The following IL1RAPL2 variants were observed in gnomAD, a reference collection of about 807,000 sequenced individuals.
IL1RAPL2 encodes interleukin 1 receptor accessory protein like 2, also known as X-linked interleukin-1 receptor accessory protein-like 2.
Under a neutral mutation model 44.1 loss-of-function variants are expected in IL1RAPL2, and 3 were observed. The observed-to-expected ratio is 0.07, with a 90% confidence interval of 0.03 to 0.18. The LOEUF (loss-of-function observed/expected upper bound fraction) is 0.18. Among genes scored for constraint, IL1RAPL2 ranks in the 10% least tolerant of loss-of-function variants. IL1RAPL2 has a pLI of 1.00. For synonymous variants in IL1RAPL2, 181 were observed against 178.8 expected (o/e 1.01, Z -0.10); for missense variants, 391 against 496.4 (o/e 0.79, Z 2.02).
chrX:105,394,413 T>G (rs185553494), intron 5 of IL1RAPL2, among the ~76,000 whole-genome samples: 2 of 111,485 alleles, frequency 1.8e-5, no homozygotes, highest in African/African-American at 6.5e-5. Context: ...GAACTGACTT[T>G]TCCTTTCTTC....
At chrX:104,719,595 T>C (rs1342679442) in intron 2 of IL1RAPL2, among the ~76,000 whole-genome samples, 1 of 111,698 alleles carries the variant, frequency 9.0e-6, no homozygotes, top group Non-Finnish European at 1.9e-5. Context: ...GGTGCATTGC[T>C]GGAGCTAGGG....
Position 104,816,034 on chromosome X carries a change from C to T in IL1RAPL2, c.82+157039C>T, listed in dbSNP as rs532267500. On this transcript the variant is annotated intron_variant, in intron 2 of 10. Coordinates refer to ENST00000372582, the MANE Select transcript of IL1RAPL2 (RefSeq NM_017416.2). ...TTTAAGTTTAAAGATAATATTTTTA[C>T]AGTCCCTGTAGCCAATTCCCTAGAA... Among the ~76,000 whole-genome samples, 162 of 111,341 alleles carry T rather than the reference C, an allele frequency of 1.5e-3. 1 individual carries two copies. The highest frequency in any genetic ancestry group is 4.9e-3 in the African/African-American group (149 of 30,635).
At chrX:104,881,005 C>A (rs1923054258) in intron 2 of IL1RAPL2, among the ~76,000 whole-genome samples, 1 of 111,643 alleles carries the variant, frequency 9.0e-6, no homozygotes, top group African/African-American at 3.3e-5. Flanking sequence ...TATAGTTTAA[C>A]AGCACTACAC....
chrX:104,641,538 T>C (rs1471175446), intron 1 of IL1RAPL2, among the ~76,000 whole-genome samples: 6 of 111,587 alleles, frequency 5.4e-5, no homozygotes, highest in African/African-American at 2.0e-4. Flanking sequence ...TGTGTATTCC[T>C]TTTATATTCT....
chrX:104,756,970 T>G (rs1267470447), intron 2 of IL1RAPL2, among the ~76,000 whole-genome samples: 1 of 109,978 alleles, frequency 9.1e-6, no homozygotes, highest in Non-Finnish European at 1.9e-5. Context: ...AAAGATGAGG[T>G]CAGAGAGGTA....
intron 2 of IL1RAPL2, among the ~76,000 whole-genome samples, chrX:104,832,859 C>T (rs1921648506): frequency 9.0e-6 from 1 of 111,266 alleles, no homozygotes; most frequent in African/African-American, 3.3e-5. Context: ...TATACATGGG[C>T]TCAACATCAG....
At chrX:104,793,487 A>AGACTTG (rs1267944075) in intron 2 of IL1RAPL2, among the ~76,000 whole-genome samples, 1 of 112,166 alleles carries the variant, frequency 8.9e-6, no homozygotes, top group Non-Finnish European at 1.9e-5. Context: ...TACTCAAAGT[A>AGACTTG]TACAAGCAAT....
intron 2 of IL1RAPL2, among the ~76,000 whole-genome samples, chrX:105,052,288 C>G (rs1391690396): frequency 1.8e-5 from 2 of 112,104 alleles, no homozygotes; most frequent in Non-Finnish European, 3.8e-5. Context: ...AGGACATTCT[C>G]AGGAGTTGCA....
In IL1RAPL2 at chrX:105,159,270, G is replaced by A. The variant is rs189005362; in HGVS notation, c.83-36205G>A. Among the ~76,000 whole-genome samples the A allele has an allele frequency of 6.2e-5, 7 of 112,068 alleles. No individual in the cohort carries two copies. The East Asian group carries it at 2.0e-3, about 32-fold the overall frequency. ...TTTTCTAGAACTTGGAGCTTCGAGG[G>A]AAGTTTTGACTATAAAGGTCAAGAG... On this transcript the variant is annotated intron_variant, in intron 2 of 10. Transcript: ENST00000372582.
intron 5 of IL1RAPL2, among the ~76,000 whole-genome samples, chrX:105,479,221 A>G (rs913160811): frequency 3.6e-5 from 4 of 111,543 alleles, no homozygotes; most frequent in African/African-American, 1.3e-4. Context: ...TTCAAGAAGA[A>G]GCTGCTTGAC....
intron 5 of IL1RAPL2, among the ~76,000 whole-genome samples, chrX:105,344,185 G>A (rs941418165): frequency 3.6e-5 from 4 of 112,181 alleles, no homozygotes; most frequent in Non-Finnish European, 7.5e-5. Context: ...GTGAGCCACC[G>A]CTCCTGGCCT....
intron 2 of IL1RAPL2, among the ~76,000 whole-genome samples, chrX:105,012,641 TCTCTCACA>T (rs2031077004): frequency 4.9e-5 from 3 of 61,652 alleles, no homozygotes; most frequent in African/African-American, 2.3e-4. Flanking sequence ...TCTCTCTCTC[TCTCTCACA>T]CACACACACA....
At chrX:105,018,722 C>T (rs1265971730) in intron 2 of IL1RAPL2, among the ~76,000 whole-genome samples, 1 of 111,239 alleles carries the variant, frequency 9.0e-6, no homozygotes, top group Non-Finnish European at 1.9e-5. Context: ...AGTGATATTA[C>T]CTTAGTCCAT....
chrX:104,914,027 C>T (rs1924332326), intron 2 of IL1RAPL2, among the ~76,000 whole-genome samples: 1 of 111,306 alleles, frequency 9.0e-6, no homozygotes, highest in Non-Finnish European at 1.9e-5. Flanking sequence ...TAAAATAGGA[C>T]ATAAGAACCA....
In IL1RAPL2 at chrX:104,821,250, T is replaced by A. The variant is rs533911194; in HGVS notation, c.82+162255T>A. 2.5e-3 allele frequency among the ~76,000 whole-genome samples: 278 copies of A among 111,758 alleles called. 1 individual carries two copies. The highest frequency in any genetic ancestry group is 9.2e-3 in the Middle Eastern group (2 of 217). ...TTTGCTTGTAAATCTGTTTTTTTTT[T>A]AATTTTTTATTATACCTTAAGTTCC... On this transcript the variant is annotated intron_variant, in intron 2 of 10. Transcript: ENST00000372582.
intron 6 of IL1RAPL2, among the ~76,000 whole-genome samples, chrX:105,670,267 T>C (rs1264008062): frequency 9.8e-6 from 1 of 101,648 alleles, no homozygotes; most frequent in African/African-American, 3.6e-5. Flanking sequence ...CTAAGTTCTT[T>C]GACTTTTCAC....
intron 5 of IL1RAPL2, among the ~76,000 whole-genome samples, chrX:105,352,860 AT>A (rs1360294575): frequency 9.3e-6 from 1 of 107,243 alleles, no homozygotes; most frequent in Non-Finnish European, 1.9e-5. Context: ...GATTGCAAAA[AT>A]TTTCTCCCAT....
At chrX:105,468,700 G>A (rs184710375) in intron 5 of IL1RAPL2, among the ~76,000 whole-genome samples, 6 of 111,662 alleles carry the variant, frequency 5.4e-5, no homozygotes, top group African/African-American at 1.9e-4. Context: ...CAGCCAGCAG[G>A]TACTGTACTT....
At chrX:105,690,657 T>C (rs1048606175) in intron 6 of IL1RAPL2, among the ~76,000 whole-genome samples, 22 of 112,320 alleles carry the variant, frequency 2.0e-4, no homozygotes, top group Non-Finnish European at 3.6e-4. Context: ...TTTTAAAATC[T>C]AACATACCAA....
Sources: gnomAD v4.1 joint callset for allele counts (sites outside exome capture counted in the v4.1 genomes callset) on GRCh38, gnomAD v4.1.1 for gene constraint, MANE v1.5 for transcripts, NCBI Gene and HGNC (gene_info 2026-07-23, HGNC 2026-07-21) for gene names.